MYH13: variants seen among roughly 807,000 people sequenced by gnomAD.
The protein encoded by MYH13 is myosin-13.
In MYH13, 177 loss-of-function variants were observed where a neutral mutation model predicts 232.1. The observed-to-expected ratio is 0.76, with a 90% CI of 0.67 to 0.86. The LOEUF (loss-of-function observed/expected upper bound fraction) is 0.86. Among genes scored for constraint, MYH13 ranks in the 40% least tolerant of loss-of-function variants. The pLI, the probability that MYH13 is intolerant of heterozygous loss-of-function variation, is 0.00. For synonymous variants in MYH13, 884 were observed against 923.5 expected (o/e 0.96, Z 0.78); for missense variants, 2,246 against 2,405.9 (o/e 0.93, Z 1.39).
chr17:10,359,961 T>C lies in MYH13; in HGVS notation c.644A>G (p.Gln215Arg), dbSNP rs951790879. The C allele has an allele frequency of 6.2e-7, 1 of 1,612,564 alleles. No individual in the cohort carries two copies. Among genetic ancestry groups the C allele is most frequent in the African/African-American group, 1.3e-5 (1 of 74,866 alleles). ...KKKETQPGKMQGTLEDQIIQA... is the reference protein window; with the variant it reads ...KKKETQPGKMRGTLEDQIIQA... ...CCGGATGCAGGTGGGGCTGCTCACC[T>C]GCATTTTGCCTGGCTGTGTCTCCTT... Residue 215 changes from glutamine (Q) to arginine (R), a missense_variant and splice_region_variant, in exon 7 of 41, where the codon CAG becomes CGG. Gln to Arg is a conservative substitution (Grantham distance 43, BLOSUM62 1). Transcript: ENST00000252172.
At chr17:10,369,452 A>G (rs911036051) in intron 2 of MYH13, among the ~76,000 whole-genome samples, 9 of 152,122 alleles carry the variant, frequency 5.9e-5, no homozygotes, top group African/African-American at 2.2e-4. Context: ...TGATACAGCA[A>G]GAATATAAGG....
chr17:10,310,970 G>T (rs1906489082), intron 33 of MYH13, 133 bp downstream of exon 33: 2 of 1,114,284 alleles, frequency 1.8e-6, no homozygotes, highest in Middle Eastern at 2.3e-4. Flanking sequence ...TTCAGCCCCT[G>T]GGATGGCTGA....
chr17:10,339,075 G>A (rs1331540985), intron 18 of MYH13, among the ~76,000 whole-genome samples: 1 of 152,150 alleles, frequency 6.6e-6, no homozygotes, highest in Non-Finnish European at 1.5e-5. Flanking sequence ...GTGGTAATAG[G>A]TGAACTTTTC....
At chr17:10,332,263 G>A (rs572257471) in intron 19 of MYH13, 41 bp from the exon 20 acceptor site, 24 of 1,609,680 alleles carry the variant, frequency 1.5e-5, no homozygotes, top group African/African-American at 4.0e-5. Flanking sequence ...TCCAATCCCC[G>A]AAAGGCTTCA....
rs1377377824 is a variant in MYH13 at position 10,306,184 on chromosome 17, TATTAC to T, written c.5466+270_5466+274del. Among the ~76,000 whole-genome samples the T allele has an allele frequency of 6.6e-6, 1 of 151,712 alleles. No individual in the cohort carries two copies. The highest frequency in any genetic ancestry group is 1.5e-5 in the Non-Finnish European group (1 of 67,970). ...ATGTGAACATTAACATACATCATTA[TATTAC>T]ATTTACTGAGGTGTGAGCATACCAA... On this transcript the variant is annotated intron_variant, in intron 37 of 40. Transcript: ENST00000252172. The surrounding 1 kb of genome is among the most constrained non-coding windows in gnomAD (Gnocchi z 4.3).
intron 27 of MYH13, 22 bp downstream of exon 27, chr17:10,318,768 A>G: frequency 1.9e-6 from 3 of 1,613,060 alleles, no homozygotes; most frequent in Non-Finnish European, 2.5e-6. Flanking sequence ...ATTCTCCAAG[A>G]GCAGAAGGGC....
chr17:10,346,450 G>T (rs773842145), intron 13 of MYH13, among the ~76,000 whole-genome samples: 13 of 152,236 alleles, frequency 8.5e-5, no homozygotes, highest in Non-Finnish European at 1.6e-4. Context: ...GAGGGAGGCT[G>T]CCTGGCTCCA....
chr17:10,341,610 T>C (rs1597384103), intron 16 of MYH13, among the ~76,000 whole-genome samples: 1 of 152,298 alleles, frequency 6.6e-6, no homozygotes, highest in East Asian at 1.9e-4. Flanking sequence ...GTCTCCCCCA[T>C]GTTCCTTTCC....
chr17:10,369,883 G>C (rs1186016430), intron 2 of MYH13, among the ~76,000 whole-genome samples: 1 of 152,198 alleles, frequency 6.6e-6, no homozygotes, highest in Non-Finnish European at 1.5e-5. Flanking sequence ...TTAAAATCTG[G>C]CTCTCCATTT....
intron 2 of MYH13, among the ~76,000 whole-genome samples, chr17:10,365,864 TG>T: frequency 6.6e-6 from 1 of 150,526 alleles, no homozygotes; most frequent in Non-Finnish European, 1.5e-5. Flanking sequence ...TGTGTGTGTG[TG>T]TGTGTGTGTG....
chr17:10,337,125 G>A (rs769729363), intron 18 of MYH13, among the ~76,000 whole-genome samples: 3 of 152,066 alleles, frequency 2.0e-5, no homozygotes, highest in Non-Finnish European at 4.4e-5. Context: ...ATGTTAGGCT[G>A]GTCTCAAACT....
chr17:10,360,868 T>C (rs944170639), intron 5 of MYH13, among the ~76,000 whole-genome samples: 3 of 152,124 alleles, frequency 2.0e-5, no homozygotes, highest in Non-Finnish European at 2.9e-5. Context: ...GAATGCCATA[T>C]GAAGATTAAG....
chr17:10,341,182 A>T (rs2071617037), intron 16 of MYH13: 1 of 152,016 alleles, frequency 6.6e-6, no homozygotes, highest in South Asian at 2.1e-4. Context: ...ATCTGGGACT[A>T]CAGGCGAGCG....
At chr17:10,371,145 G>A (rs1030915705) in intron 2 of MYH13, 64 bp downstream of exon 2, 12 of 152,128 alleles carry the variant, frequency 7.9e-5, no homozygotes, top group Non-Finnish European at 1.6e-4. Flanking sequence ...GAATGAGAAC[G>A]TGTAAAATGA....
rs2071611728 is a variant in MYH13 at position 10,340,363 on chromosome 17, CCTT to C, written c.1930_1932del (p.Lys644del). On this transcript the variant is annotated inframe_deletion, in exon 17 of 41. Transcript: ENST00000252172. ...GCCGACACGGTCTGGAAAGAGGAGC[CCTT>C]CTTCTTCCCGCCCTTCTTGCTTCCT... The C allele has an allele frequency of 4.3e-6, 7 of 1,613,896 alleles. No homozygotes were observed. The highest frequency in any genetic ancestry group is 1.7e-5 in the Admixed American group (1 of 60,012).
chr17:10,363,336 A>AT (rs2071808929), intron 3 of MYH13, among the ~76,000 whole-genome samples: 1 of 150,166 alleles, frequency 6.7e-6, no homozygotes, highest in Non-Finnish European at 1.5e-5. Context: ...AAAAAAAAAA[A>AT]TAGGGCAAGA....
Position 10,321,516 on chromosome 17 carries a change from A to G in MYH13, c.3111+16T>C. 6.2e-7 allele frequency: 1 copy of G among 1,607,530 alleles called. No individual in the cohort carries two copies. The highest frequency in any genetic ancestry group is 8.5e-7 in the Non-Finnish European group (1 of 1,176,210). On this transcript the variant is annotated intron_variant, in intron 24 of 40. Coordinates refer to ENST00000252172, the MANE Select transcript of MYH13 (RefSeq NM_003802.3). The stretch of plus-strand genomic sequence containing the variant: ...CAAGTGATAAATGCTAAAGCATAGT[A>G]GTAAAATATCCTCACATCATCTGTT...
rs1382178426 is a variant in MYH13, at chr17:10,304,684, A to G, written c.5467-1186T>C. Among the ~76,000 whole-genome samples, 1 of 152,230 alleles carries G rather than the reference A, an allele frequency of 6.6e-6. No individual in the cohort carries two copies. Among genetic ancestry groups the G allele is most frequent in the Non-Finnish European group, 1.5e-5 (1 of 68,042 alleles). ...GCCACCACTGAGCATGAGTTTCTGT[A>G]TATTTAGGATGGAGATAATATTTCC... On this transcript the variant is annotated intron_variant, in intron 37 of 40. Transcript: ENST00000252172. This position sits in a 1 kb window ranked among gnomAD's most constrained non-coding sequence, Gnocchi z 5.3.
intron 2 of MYH13, among the ~76,000 whole-genome samples, chr17:10,366,377 ATC>A (rs771670915): frequency 8.2e-5 from 10 of 122,646 alleles, no homozygotes; most frequent in African/African-American, 2.6e-4. Context: ...TAAGAAATAA[ATC>A]TGTTTTTTTT....
Sources: allele counts gnomAD v4.1 joint callset (sites outside exome capture counted in the v4.1 genomes callset), GRCh38; gene constraint gnomAD v4.1.1; non-coding constraint Gnocchi (gnomAD v3.1); transcripts MANE v1.5; gene names NCBI Gene and HGNC (gene_info 2026-07-23, HGNC 2026-07-21).